The following EPCAM variants were observed in gnomAD, a reference collection of about 807,000 sequenced individuals.
The protein encoded by EPCAM is epithelial cell adhesion molecule.
EPCAM carries 39 observed loss-of-function variants against 40.0 expected under a neutral mutation model. The ratio of observed to expected loss-of-function variants is 0.98; its 90% CI spans 0.76 to 1.27. The LOEUF (loss-of-function observed/expected upper bound fraction) is 1.27. EPCAM is among the 50% of genes most tolerant of loss of function. EPCAM has a pLI of 0.00. For missense variants in EPCAM, 503 were observed against 381.2 expected (o/e 1.32, Z -2.66); for synonymous variants, 168 against 132.3 (o/e 1.27, Z -1.85).
chr2:47,383,633 T>C (rs1671658256), intron 7 of EPCAM, among the ~76,000 whole-genome samples: 6 of 91,392 alleles, frequency 6.6e-5, no homozygotes, highest in South Asian at 4.4e-4. Flanking sequence ...TTTTTTTTTT[T>C]TTTTTTTTTT....
chr2:47,383,671 G>T (rs1159864233), intron 7 of EPCAM, among the ~76,000 whole-genome samples: 1 of 98,928 alleles, frequency 1.0e-5, no homozygotes, highest in Non-Finnish European at 1.9e-5. Context: ...GTCTTGCTCT[G>T]TTGCCCAGGC....
intron 6 of EPCAM, among the ~76,000 whole-genome samples, 167 bp downstream of exon 6, chr2:47,379,221 A>G (rs1264119874): frequency 6.6e-6 from 1 of 152,142 alleles, no homozygotes; most frequent in Non-Finnish European, 1.5e-5. Flanking sequence ...GCTTGTTTGT[A>G]TATTTATGCC....
At chr2:47,385,349 T>C in intron 8 of EPCAM, 139 bp downstream of exon 8, 1 of 741,854 alleles carries the variant, frequency 1.3e-6, no homozygotes, top group Non-Finnish European at 2.4e-6. Context: ...AGGGACAGTC[T>C]TAGAATGTAC....
At chr2:47,375,324 T>A (rs200815338) in intron 4 of EPCAM, 25 bp downstream of exon 4, 6 of 1,488,870 alleles carry the variant, frequency 4.0e-6, no homozygotes, top group Non-Finnish European at 4.7e-6. Context: ...ATGCATCATA[T>A]TCTTGCACAG....
At position 47,379,957 on chromosome 2, in the gene EPCAM, A is replaced by T. The variant is rs758439465; in HGVS notation, c.846A>T (p.Gly282=). 5.6e-6 allele frequency: 9 copies of T among 1,612,382 alleles called. No homozygotes were observed. Among genetic ancestry groups the T allele is most frequent in the Non-Finnish European group, 7.6e-6 (9 of 1,179,012 alleles). Residue 282 remains glycine (G), a synonymous_variant, in exon 7 of 9, where the codon GGA becomes GGT. Transcript: ENST00000263735. ...IVVVVIAVVA[G]IVVLVISRKK... is the part of the protein sequence containing the mutation. Reference sequence around the variant, plus strand: ...TTGTGGTGATAGCAGTTGTTGCTGGAATTGTTGTGCTGGTGAGTACAGAAC... The same window carrying T: ...TTGTGGTGATAGCAGTTGTTGCTGGTATTGTTGTGCTGGTGAGTACAGAAC...
At chr2:47,379,540 T>G (rs1390944638) in intron 6 of EPCAM, among the ~76,000 whole-genome samples, 1 of 152,212 alleles carries the variant, frequency 6.6e-6, no homozygotes, top group Non-Finnish European at 1.5e-5. Flanking sequence ...GCCTTGCATC[T>G]GGGTGATAGG....
chr2:47,369,815 GA>G, intron 1 of EPCAM: 1 of 666,388 alleles, frequency 1.5e-6, no homozygotes, highest in Non-Finnish European at 2.9e-6. Context: ...CCTTGGTAGG[GA>G]AATGGCCTTG....
chr2:47,380,421 A>G (rs553400878), intron 7 of EPCAM, among the ~76,000 whole-genome samples: 142 of 152,320 alleles, frequency 9.3e-4, no homozygotes, highest in Non-Finnish European at 1.5e-3. Context: ...GAATGAATCT[A>G]TTGTATCTCT....
rs1386565390 is a variant in EPCAM at position 47,385,221 on chromosome 2, T to C, written c.903+11T>C. The C allele has an allele frequency of 5.6e-6, 9 of 1,606,526 alleles. No individual in the cohort carries two copies. Among genetic ancestry groups the C allele is most frequent in the Non-Finnish European group, 7.7e-6 (9 of 1,173,364 alleles). ...TATGAGAAGGCTGAGGTAAATGGAT[T>C]ACTTACCTAAATAGAAAGGCCCTGT... On this transcript the variant is annotated intron_variant, in intron 8 of 8. Transcript: ENST00000263735.
In EPCAM at chr2:47,377,083, AT is replaced by A; in HGVS notation, c.555+12del. 2 of 1,578,836 alleles carry A rather than the reference AT, an allele frequency of 1.3e-6. No homozygotes were observed. Among genetic ancestry groups the A allele is most frequent in the Non-Finnish European group, 1.7e-6 (2 of 1,147,852 alleles). On this transcript the variant is annotated splice_region_variant and intron_variant, in intron 5 of 8. Coordinates refer to ENST00000263735, the MANE Select transcript of EPCAM (RefSeq NM_002354.3). ...AATTTATCACGAGTATTTTGGTATG[AT>A]TTTTTAATAAGTGAGCTTTAGCAGA...
chr2:47,369,709 C>A, intron 1 of EPCAM, 128 bp downstream of exon 1: 2 of 1,006,576 alleles, frequency 2.0e-6, no homozygotes, highest in South Asian at 2.7e-5. Context: ...AGCGTGGAGA[C>A]CGGACGGTGC....
intron 7 of EPCAM, 45 bp downstream of exon 7, chr2:47,380,014 CA>C: frequency 6.4e-7 from 1 of 1,565,238 alleles, no homozygotes. Flanking sequence ...TATATTTTTT[CA>C]AGAAAAAGTA....
At chr2:47,378,644 A>T (rs1671491547) in intron 5 of EPCAM, among the ~76,000 whole-genome samples, 1 of 152,128 alleles carries the variant, frequency 6.6e-6, no homozygotes, top group Non-Finnish European at 1.5e-5. Flanking sequence ...AAGTAGTTCT[A>T]ATCCAAATAA....
At chr2:47,377,704 A>C (rs752910720) in intron 5 of EPCAM, 2 of 405,092 alleles carry the variant, frequency 4.9e-6, no homozygotes, top group Non-Finnish European at 9.8e-6. Context: ...GTAAATATGC[A>C]CCAAAATTAC....
At chr2:47,381,572 G>A (rs1671591347) in intron 7 of EPCAM, among the ~76,000 whole-genome samples, 1 of 152,128 alleles carries the variant, frequency 6.6e-6, no homozygotes, top group African/African-American at 2.4e-5. Context: ...CCAGCTGTGT[G>A]AGGGTGGCAT....
intron 7 of EPCAM, among the ~76,000 whole-genome samples, chr2:47,382,847 T>C (rs1671628354): frequency 6.6e-6 from 1 of 152,192 alleles, no homozygotes; most frequent in African/African-American, 2.4e-5. Context: ...TGCTATGATG[T>C]TGATACAAGC....
chr2:47,385,971 C>T (rs1348327048), intron 8 of EPCAM, among the ~76,000 whole-genome samples: 1 of 152,170 alleles, frequency 6.6e-6, no homozygotes, highest in Admixed American at 6.5e-5. Flanking sequence ...CAGTGCAGAG[C>T]AGTACAGACC....
In EPCAM at chr2:47,383,305, GAA is replaced by G. The variant is rs372391242; in HGVS notation, c.859-1846_859-1845del. ...TGGGTGACAGAGCGAGACTCCATCT[GAA>G]AAAAAAAAAAAAAAGAAAAGGAGTC... On this transcript the variant is annotated intron_variant, in intron 7 of 8. Transcript: ENST00000263735. 2.4e-3 allele frequency: 294 copies of G among 124,088 alleles called. 3 individuals are homozygous for G. Among genetic ancestry groups the G allele is most frequent in the Middle Eastern group, 0.013 (3 of 228 alleles). The allele number at this position is 124,088 out of a possible 1,614,324, so 7.7% of individuals were successfully genotyped here.
At chr2:47,379,079 G>C (rs2103757403) in intron 6 of EPCAM, 25 bp downstream of exon 6, 1 of 1,206,650 alleles carries the variant, frequency 8.3e-7, no homozygotes, top group South Asian at 1.2e-5. Flanking sequence ...CTTTATTCCT[G>C]TGTTCAGGAA....
Sources: gnomAD v4.1 joint callset for allele counts (sites outside exome capture counted in the v4.1 genomes callset) on GRCh38, gnomAD v4.1.1 for gene constraint, MANE v1.5 for transcripts, NCBI Gene and HGNC (gene_info 2026-07-23, HGNC 2026-07-21) for gene names.